CFAP20: variants seen among roughly 807,000 people sequenced by gnomAD.
CFAP20 encodes the protein cilia and flagella associated protein 20, also known as cilia- and flagella-associated protein 20.
In CFAP20, 14 loss-of-function variants were observed where a neutral mutation model predicts 25.5. The observed-to-expected ratio is 0.55, with a 90% CI of 0.36 to 0.86. The LOEUF (loss-of-function observed/expected upper bound fraction) is 0.86. CFAP20 is among the 40% of genes least tolerant of loss of function. The pLI, the probability that CFAP20 is intolerant of heterozygous loss-of-function variation, is 0.01. For missense variants in CFAP20, 181 were observed against 248.0 expected, an observed-to-expected ratio of 0.73 and a Z score of 1.81; for synonymous variants, 75 against 91.1, an observed-to-expected ratio of 0.82 and a Z score of 1.01.
chr16:58,129,215 G>T lies in CFAP20; in HGVS notation c.-100C>A. ...GAGGGCACAGCAGCAGGCCGGCCCTGTTCCGAAGAAGGGTGGTTGAGCTCC... is the reference window on the plus strand; with the variant it reads ...GAGGGCACAGCAGCAGGCCGGCCCTTTTCCGAAGAAGGGTGGTTGAGCTCC... On this transcript the variant is annotated 5_prime_UTR_variant, in exon 1 of 6. Transcript: ENST00000262498. 1 of 1,312,880 alleles carries T rather than the reference G, an allele frequency of 7.6e-7. No homozygotes were observed. Among genetic ancestry groups the T allele is most frequent in the Non-Finnish European group, 1.1e-6 (1 of 943,270 alleles). 81.3% of individuals were successfully genotyped at this position (1,312,880 alleles called of 1,614,324 possible). A position where few individuals can be genotyped will look rare whatever the true frequency, so the allele number is the denominator to read the frequency against.
intron 5 of CFAP20, 94 bp downstream of exon 5, chr16:58,114,716 G>T: frequency 1.0e-6 from 1 of 963,028 alleles, no homozygotes. Context: ...AACACAGAGA[G>T]GCTCTGCAGC....
intron 1 of CFAP20, among the ~76,000 whole-genome samples, chr16:58,121,830 G>C (rs1182367146): frequency 6.6e-6 from 1 of 152,192 alleles, no homozygotes; most frequent in Non-Finnish European, 1.5e-5. Flanking sequence ...TACTGGGATA[G>C]GGAGGGAGCT....
intron 3 of CFAP20, 53 bp from the exon 4 acceptor site, chr16:58,115,510 A>G: frequency 6.3e-7 from 1 of 1,587,172 alleles, no homozygotes. Flanking sequence ...GAAGAAGCAC[A>G]CAACCTTGTC....
In CFAP20 at chr16:58,115,339, A is replaced by G; in HGVS notation, c.395T>C (p.Ile132Thr). The change falls in exon 4 of 6, where the codon ATT becomes ACT. Residue 132 changes from isoleucine (I) to threonine (T), a missense_variant. Physicochemically the swap from Ile to Thr is moderately conservative, Grantham distance 89. Coordinates refer to ENST00000262498, the MANE Select transcript of CFAP20 (RefSeq NM_013242.3). ...TGTGAAGTCTAGCAAGTTGAACTGA[A>G]TCTGGTTCCAGCCGTCATCCAGCCG... ...PMRLDDGWNQIQFNLLDFTRR... is the reference protein window; with the variant it reads ...PMRLDDGWNQTQFNLLDFTRR... 6.2e-7 allele frequency: 1 copy of G among 1,614,204 alleles called. No individual in the cohort carries two copies. Among genetic ancestry groups the G allele is most frequent in the Non-Finnish European group, 8.5e-7 (1 of 1,180,028 alleles).
intron 1 of CFAP20, among the ~76,000 whole-genome samples, chr16:58,123,248 A>C (rs1960560997): frequency 6.8e-6 from 1 of 148,020 alleles, no homozygotes; most frequent in Admixed American, 6.7e-5. Context: ...TGGCCTCCCA[A>C]AGTGCTAGGA....
intron 5 of CFAP20, 83 bp from the exon 6 acceptor site, chr16:58,114,113 T>A: frequency 6.9e-7 from 1 of 1,439,252 alleles, no homozygotes; most frequent in South Asian, 1.1e-5. Context: ...CTGCCTCTGG[T>A]GACACTTGAG....
rs575441149 is a variant in CFAP20, at chr16:58,113,839, A to G, written c.*186T>C. 4.0e-4 allele frequency: 267 copies of G among 664,866 alleles called. No individual in the cohort carries two copies. The Middle Eastern group carries it at 5.1e-3, about 13-fold the overall frequency. The allele number at this position is 664,866 out of a possible 1,614,324, so 41.2% of individuals were successfully genotyped here. On this transcript the variant is annotated 3_prime_UTR_variant, in exon 6 of 6. Transcript: ENST00000262498. Reference sequence around the variant, plus strand: ...TCACAGGACTGCTTACCCCCACTGCACTTACAATGCAGTCACAGAGTTACG... The same window carrying G: ...TCACAGGACTGCTTACCCCCACTGCGCTTACAATGCAGTCACAGAGTTACG...
chr16:58,115,671 A>G, intron 3 of CFAP20: 1 of 604,496 alleles, frequency 1.7e-6, no homozygotes, highest in Non-Finnish European at 2.9e-6. Context: ...CCAGCTGCTT[A>G]TGACATATAA....
intron 1 of CFAP20, 84 bp from the exon 2 acceptor site, chr16:58,117,035 A>T: frequency 8.1e-7 from 1 of 1,240,102 alleles, no homozygotes; most frequent in East Asian, 2.4e-5. Flanking sequence ...GTAGCCCAAG[A>T]GGCGTACAAA....
intron 4 of CFAP20, 30 bp from the exon 5 acceptor site, chr16:58,114,950 G>C (rs781366501): frequency 6.5e-7 from 1 of 1,549,502 alleles, no homozygotes; most frequent in Non-Finnish European, 8.9e-7. Flanking sequence ...TTTGAGAGGC[G>C]AAATGTGACT....
At chr16:58,125,319 T>C (rs1385083928) in intron 1 of CFAP20, among the ~76,000 whole-genome samples, 5 of 152,212 alleles carry the variant, frequency 3.3e-5, no homozygotes, top group Non-Finnish European at 7.3e-5. Flanking sequence ...CTGAAATATC[T>C]CCTGAAGGAC....
chr16:58,113,894 C>T lies in CFAP20; in HGVS notation c.*131G>A. 1 of 1,100,288 alleles carries T rather than the reference C, an allele frequency of 9.1e-7. No homozygotes were observed. Among genetic ancestry groups the T allele is most frequent in the East Asian group, 2.4e-5 (1 of 41,650 alleles). 68.2% of individuals were successfully genotyped at this position (1,100,288 alleles called of 1,614,324 possible). A position where few individuals can be genotyped will look rare whatever the true frequency, so the allele number is the denominator to read the frequency against. Reference sequence around the variant, plus strand: ...GTTCACCGGTGTCCATGACAAGCAACACCAAGTATAAATAACAGAACTACA... The same window carrying T: ...GTTCACCGGTGTCCATGACAAGCAATACCAAGTATAAATAACAGAACTACA... On this transcript the variant is annotated 3_prime_UTR_variant, in exon 6 of 6. Coordinates refer to ENST00000262498, the MANE Select transcript of CFAP20 (RefSeq NM_013242.3).
chr16:58,116,053 G>C lies in CFAP20; in HGVS notation c.264C>G (p.Thr88=). The change falls in exon 3 of 6, where the codon ACC becomes ACG. Residue 88 remains threonine, a synonymous_variant. Coordinates refer to ENST00000262498, the MANE Select transcript of CFAP20 (RefSeq NM_013242.3). ...MIIKNLKKYF[T]FEVQVLDDKN... is the part of the protein sequence containing the mutation. Reference sequence around the variant, plus strand: ...TACACATACTTACCTGCACTTCGAAGGTAAAATACTTCTTCAGGTTTTTGA... The same window carrying C: ...TACACATACTTACCTGCACTTCGAACGTAAAATACTTCTTCAGGTTTTTGA... 4 of 1,607,196 alleles carry C rather than the reference G, an allele frequency of 2.5e-6. No individual in the cohort carries two copies. The South Asian group carries it at 3.3e-5, about 13-fold the overall frequency.
At chr16:58,122,809 T>C (rs1219438447) in intron 1 of CFAP20, among the ~76,000 whole-genome samples, 1 of 152,196 alleles carries the variant, frequency 6.6e-6, no homozygotes, top group Non-Finnish European at 1.5e-5. Context: ...AGAGACTTTA[T>C]TTTTAAAATT....
intron 1 of CFAP20, among the ~76,000 whole-genome samples, chr16:58,122,072 C>G (rs1960540923): frequency 6.6e-6 from 1 of 152,196 alleles, no homozygotes. Context: ...GGTTCCCAGA[C>G]AGAAATTAGG....
chr16:58,114,141 G>T, intron 5 of CFAP20, 111 bp from the exon 6 acceptor site: 1 of 1,147,622 alleles, frequency 8.7e-7, no homozygotes. Context: ...TGACTGTGGA[G>T]AATGGACACA....
intron 1 of CFAP20, among the ~76,000 whole-genome samples, chr16:58,123,063 C>T (rs1315091626): frequency 6.6e-5 from 10 of 152,038 alleles, no homozygotes; most frequent in South Asian, 2.1e-4. Flanking sequence ...GGCACCATCT[C>T]GGCTCACCGC....
intron 1 of CFAP20, chr16:58,119,240 A>G (rs1960500127): frequency 6.6e-6 from 1 of 152,210 alleles, no homozygotes; most frequent in Non-Finnish European, 1.5e-5. Flanking sequence ...CACAACTGCA[A>G]CCAAGTCTTG....
At chr16:58,119,887 C>A (rs12925504) in intron 1 of CFAP20, among the ~76,000 whole-genome samples, 53 of 19,328 alleles carry the variant, frequency 2.7e-3, no homozygotes, top group East Asian at 0.015. Context: ...TCGCCATCTA[C>A]TGTTCCCAAC....
Sources: gnomAD v4.1 joint callset for allele counts (sites outside exome capture counted in the v4.1 genomes callset) on GRCh38, gnomAD v4.1.1 for gene constraint, MANE v1.5 for transcripts, NCBI Gene and HGNC (gene_info 2026-07-23, HGNC 2026-07-21) for gene names.